ESR1: variants seen among roughly 807,000 people sequenced by gnomAD.
The protein encoded by ESR1 is estrogen receptor.
In ESR1, 12 loss-of-function variants were observed where a neutral mutation model predicts 52.7. That is an observed-to-expected ratio of 0.23 (90% CI 0.15 to 0.37). The LOEUF (loss-of-function observed/expected upper bound fraction) is 0.37. Ranked by LOEUF, ESR1 falls within the 10% of genes least tolerant of loss-of-function variation. ESR1 has a pLI of 1.00. For missense variants in ESR1, 584 were observed against 779.7 expected, an observed-to-expected ratio of 0.75 and a Z score of 2.99; for synonymous variants, 305 against 316.8, an observed-to-expected ratio of 0.96 and a Z score of 0.39.
chr6:151,685,220 G>T (rs71575903), intron 1 of ESR1, among the ~76,000 whole-genome samples: 1 of 137,424 alleles, frequency 7.3e-6, no homozygotes, highest in Non-Finnish European at 1.5e-5. Context: ...TGCAAGCTCC[G>T]CTTCCCGGGT....
At chr6:151,999,717 C>T (rs1300423782) in intron 4 of ESR1, among the ~76,000 whole-genome samples, 3 of 152,090 alleles carry the variant, frequency 2.0e-5, no homozygotes, top group African/African-American at 7.2e-5. Flanking sequence ...CTTCCAGCAG[C>T]CTTTGATCAT....
intron 2 of ESR1, among the ~76,000 whole-genome samples, chr6:151,846,312 T>A (rs567740671): frequency 6.6e-6 from 1 of 152,246 alleles, no homozygotes; most frequent in Non-Finnish European, 1.5e-5. Flanking sequence ...CTTTATACTT[T>A]AAAAGCATTT....
At chr6:151,943,786 C>A (rs2035385432) in intron 3 of ESR1, among the ~76,000 whole-genome samples, 1 of 152,136 alleles carries the variant, frequency 6.6e-6, no homozygotes, top group Non-Finnish European at 1.5e-5. Context: ...GAATTCTGTT[C>A]TTTTTATAAC....
At chr6:151,748,103 C>T (rs926487560) in intron 2 of ESR1, among the ~76,000 whole-genome samples, 1 of 152,166 alleles carries the variant, frequency 6.6e-6, no homozygotes, top group African/African-American at 2.4e-5. Context: ...GTGAGGGCTC[C>T]AATTTCCCTA....
intron 6 of ESR1, among the ~76,000 whole-genome samples, chr6:152,093,953 C>A (rs1214158883): frequency 1.3e-5 from 2 of 152,170 alleles, no homozygotes; most frequent in East Asian, 3.9e-4. Context: ...TACCTACTAT[C>A]CGAGTTCCCT....
chr6:152,124,235 G>A (rs1313681510), intron 6 of ESR1, among the ~76,000 whole-genome samples: 1 of 152,178 alleles, frequency 6.6e-6, no homozygotes, highest in East Asian at 1.9e-4. Context: ...GAACCCGGGA[G>A]GCGGAGGCTG....
chr6:152,077,119 G>A (rs1366559610), intron 6 of ESR1, among the ~76,000 whole-genome samples: 4 of 152,100 alleles, frequency 2.6e-5, no homozygotes, highest in Admixed American at 6.5e-5. Context: ...AGTTTTGTGG[G>A]CCAGTCCCAG....
intron 2 of ESR1, among the ~76,000 whole-genome samples, chr6:151,723,984 A>G (rs187768220): frequency 1.3e-3 from 205 of 152,304 alleles, no homozygotes; most frequent in African/African-American, 4.6e-3. Flanking sequence ...CAGATGGGAT[A>G]GGACACTAAA....
intron 3 of ESR1, among the ~76,000 whole-genome samples, chr6:151,891,922 A>G (rs1287761172): frequency 6.6e-6 from 1 of 152,088 alleles, no homozygotes; most frequent in Non-Finnish European, 1.5e-5. Context: ...CTTAAGATTT[A>G]ATTACCTAAT....
At chr6:151,865,037 T>C (rs763091745) in intron 2 of ESR1, among the ~76,000 whole-genome samples, 14 of 152,058 alleles carry the variant, frequency 9.2e-5, no homozygotes, top group Non-Finnish European at 1.6e-4. Context: ...TGTATACATA[T>C]GTAACAAACC....
At chr6:152,124,557 C>A (rs138088399) in intron 6 of ESR1, among the ~76,000 whole-genome samples, 1 of 152,206 alleles carries the variant, frequency 6.6e-6, no homozygotes, top group African/African-American at 2.4e-5. Context: ...GTTTACTGTT[C>A]GATGTTTTTG....
chr6:151,894,589 G>A (rs1256673973), intron 3 of ESR1, among the ~76,000 whole-genome samples: 1 of 152,110 alleles, frequency 6.6e-6, no homozygotes, highest in Non-Finnish European at 1.5e-5. Context: ...AGATCCAGTT[G>A]CATTCTCCTA....
chr6:151,808,495 G>A (rs1176564825), intron 1 of ESR1, 131 bp downstream of exon 1: 1 of 765,308 alleles, frequency 1.3e-6, no homozygotes, highest in Non-Finnish European at 1.8e-6. Context: ...TGCGCGCAGG[G>A]AGCCCGGGGC....
At chr6:151,989,879 T>C (rs1298014376) in intron 4 of ESR1, among the ~76,000 whole-genome samples, 1 of 152,070 alleles carries the variant, frequency 6.6e-6, no homozygotes, top group Non-Finnish European at 1.5e-5. Context: ...TAGATGTACA[T>C]TTTTTTCTGT....
Position 151,831,443 on chromosome 6 carries a change from T to G in ESR1, c.453-11154T>G, listed in dbSNP as rs76800723. On this transcript the variant is annotated intron_variant, in intron 1 of 7. Coordinates refer to ENST00000206249, the MANE Select transcript of ESR1 (RefSeq NM_000125.4). ...GTGTGAGCTACCATGCCCAGCTAATTGCAGGTGATTTCTAATGGGATTTAG... is the reference window on the plus strand; with the variant it reads ...GTGTGAGCTACCATGCCCAGCTAATGGCAGGTGATTTCTAATGGGATTTAG... Among the ~76,000 whole-genome samples, 27 of 152,288 alleles carry G rather than the reference T, an allele frequency of 1.8e-4. No homozygotes were observed. In the East Asian group the frequency reaches 5.2e-3, roughly 29 times the overall value.
intron 5 of ESR1, among the ~76,000 whole-genome samples, chr6:152,022,533 A>G (rs912318431): frequency 1.7e-4 from 26 of 152,178 alleles, no homozygotes; most frequent in African/African-American, 5.5e-4. Context: ...GAGAAAAGGT[A>G]TCCAAAGGCC....
chr6:151,726,510 G>A (rs1236761684), intron 2 of ESR1, among the ~76,000 whole-genome samples: 1 of 152,008 alleles, frequency 6.6e-6, no homozygotes, highest in African/African-American at 2.4e-5. Flanking sequence ...TTTTGTGTGT[G>A]TGTTTTTAGT....
chr6:152,067,953 G>A (rs72993656), intron 6 of ESR1, among the ~76,000 whole-genome samples: 8,396 of 152,252 alleles, frequency 0.055, 307 homozygotes, highest in South Asian at 0.12. Flanking sequence ...ATTGGCAACC[G>A]CACCAAATAT....
At chr6:151,697,764 A>G (rs1779466974) in intron 1 of ESR1, among the ~76,000 whole-genome samples, 1 of 151,958 alleles carries the variant, frequency 6.6e-6, no homozygotes, top group Non-Finnish European at 1.5e-5. Context: ...GTAGTATTTT[A>G]TGATTCTATA....
Sources: gnomAD v4.1 joint callset for allele counts (sites outside exome capture counted in the v4.1 genomes callset) on GRCh38, gnomAD v4.1.1 for gene constraint, MANE v1.5 for transcripts, NCBI Gene and HGNC (gene_info 2026-07-23, HGNC 2026-07-21) for gene names.